TTLL11: variants seen among roughly 807,000 people sequenced by gnomAD.
TTLL11 encodes tubulin tyrosine ligase like 11.
A neutral mutation model predicts 51.7 loss-of-function variants in TTLL11; 42 were observed. The observed-to-expected ratio is 0.81, with a 90% CI of 0.64 to 1.05. The LOEUF (loss-of-function observed/expected upper bound fraction) is 1.05, where lower values mean the gene tolerates loss of function less well. Among genes scored for constraint, TTLL11 ranks in the 50% least tolerant of loss-of-function variants. The pLI is 0.00. For missense variants in TTLL11, 799 were observed against 940.4 expected, an observed-to-expected ratio of 0.85 and a Z score of 1.97; for synonymous variants, 381 against 383.5, an observed-to-expected ratio of 0.99 and a Z score of 0.08.
chr9:121,874,195 GTC>G (rs1336417857), intron 6 of TTLL11, among the ~76,000 whole-genome samples: 4 of 151,974 alleles, frequency 2.6e-5, no homozygotes, highest in African/African-American at 9.7e-5. Flanking sequence ...TAGAGATAAG[GTC>G]TCGCTACATT....
At chr9:121,871,481 C>T (rs1838355020) in intron 6 of TTLL11, among the ~76,000 whole-genome samples, 3 of 152,070 alleles carry the variant, frequency 2.0e-5, no homozygotes, top group African/African-American at 4.8e-5. Flanking sequence ...GAATAAATGC[C>T]GACTCCTCCT....
intron 6 of TTLL11, among the ~76,000 whole-genome samples, chr9:121,966,644 T>G (rs1016744425): frequency 1.3e-5 from 2 of 152,250 alleles, no homozygotes; most frequent in African/African-American, 4.8e-5. Context: ...TTCTTATTTT[T>G]TTCCCATACC....
intron 6 of TTLL11, among the ~76,000 whole-genome samples, chr9:121,935,160 T>C (rs554296513): frequency 6.6e-6 from 1 of 151,960 alleles, no homozygotes; most frequent in Admixed American, 6.6e-5. Flanking sequence ...GGTTTCACCA[T>C]GTTGCCCAGG....
chr9:121,927,609 C>T (rs548888079), intron 6 of TTLL11, among the ~76,000 whole-genome samples: 1 of 146,136 alleles, frequency 6.8e-6, no homozygotes, highest in African/African-American at 2.5e-5. Context: ...GTAAATATCA[C>T]AAGAGCACAG....
Position 121,818,035 on chromosome 9 carries a change from C to T in TTLL11, c.*4552G>A, listed in dbSNP as rs886803159. 4 of 152,360 alleles carry T rather than the reference C, an allele frequency of 2.6e-5. No individual in the cohort carries two copies. Among genetic ancestry groups the T allele is most frequent in the Non-Finnish European group, 4.4e-5 (3 of 68,140 alleles). 9.4% of individuals were successfully genotyped at this position (152,360 alleles called of 1,614,324 possible). A position where few individuals can be genotyped will look rare whatever the true frequency, so the allele number is the denominator to read the frequency against. ...CTATCCTCCCACTCCATTCCCCTGA[C>T]TACCTACATGCACATCCGGAGGACC... On this transcript the variant is annotated 3_prime_UTR_variant, in exon 9 of 9. Coordinates refer to ENST00000321582, the MANE Select transcript of TTLL11 (RefSeq NM_001139442.2).
chr9:121,841,981 CGA>C (rs749589176), intron 8 of TTLL11, among the ~76,000 whole-genome samples: 1 of 152,072 alleles, frequency 6.6e-6, no homozygotes, highest in Non-Finnish European at 1.5e-5. Flanking sequence ...ATTCTTCCAG[CGA>C]GATGCAGAGC....
intron 5 of TTLL11, among the ~76,000 whole-genome samples, 179 bp downstream of exon 5, chr9:121,974,705 T>C (rs1192393672): frequency 6.6e-6 from 1 of 152,234 alleles, no homozygotes; most frequent in Non-Finnish European, 1.5e-5. Context: ...ACAGGTCAGA[T>C]AGGCTTTGTA....
At chr9:122,065,017 C>G (rs193301554) in intron 1 of TTLL11, among the ~76,000 whole-genome samples, 1 of 152,208 alleles carries the variant, frequency 6.6e-6, no homozygotes, top group Non-Finnish European at 1.5e-5. Context: ...CAAAGGGGAC[C>G]AAATTCCCAG....
chr9:122,006,108 G>A (rs1461093822), intron 3 of TTLL11, among the ~76,000 whole-genome samples: 1 of 152,232 alleles, frequency 6.6e-6, no homozygotes, highest in African/African-American at 2.4e-5. Flanking sequence ...AGGAGGCCAA[G>A]GCGGGTGGAT....
At chr9:121,918,878 C>T (rs915522905) in intron 6 of TTLL11, among the ~76,000 whole-genome samples, 2 of 152,192 alleles carry the variant, frequency 1.3e-5, no homozygotes, top group Non-Finnish European at 2.9e-5. Flanking sequence ...ACAGTACATA[C>T]AGTATGGCAG....
intron 8 of TTLL11, among the ~76,000 whole-genome samples, chr9:121,825,400 C>G (rs1836721612): frequency 6.6e-6 from 1 of 152,238 alleles, no homozygotes; most frequent in Non-Finnish European, 1.5e-5. Flanking sequence ...TCCCTGGTCC[C>G]TGACAAGATA....
At chr9:121,924,786 GC>G (rs1179386448) in intron 6 of TTLL11, among the ~76,000 whole-genome samples, 1 of 147,714 alleles carries the variant, frequency 6.8e-6, no homozygotes, top group Non-Finnish European at 1.5e-5. Context: ...TTTAACCTGA[GC>G]AAAAATCGTC....
intron 6 of TTLL11, 59 bp from the exon 7 acceptor site, chr9:121,870,807 G>C: frequency 6.8e-7 from 1 of 1,467,036 alleles, no homozygotes; most frequent in South Asian, 1.4e-5. Flanking sequence ...TCCTTTACTT[G>C]AGATTTACAG....
chr9:122,060,607 C>A (rs560919670), intron 1 of TTLL11, among the ~76,000 whole-genome samples: 24 of 152,310 alleles, frequency 1.6e-4, no homozygotes, highest in African/African-American at 5.8e-4. Flanking sequence ...GGGAAGAACA[C>A]AGGAATCAGA....
chr9:121,930,308 G>GA (rs1249421489), intron 6 of TTLL11, among the ~76,000 whole-genome samples: 1 of 152,188 alleles, frequency 6.6e-6, no homozygotes, highest in Non-Finnish European at 1.5e-5. Context: ...CAAGGAGAGA[G>GA]AAAAAGGCCT....
chr9:121,868,952 A>G (rs567546442), intron 7 of TTLL11, among the ~76,000 whole-genome samples: 62 of 152,376 alleles, frequency 4.1e-4, no homozygotes, highest in Non-Finnish European at 6.3e-4. Context: ...TCCCAACCTC[A>G]TAACAAATCC....
At position 121,870,539 on chromosome 9, in the gene TTLL11, C is replaced by A; in HGVS notation, c.1691G>T (p.Gly564Val). 1 of 1,551,574 alleles carries A rather than the reference C, an allele frequency of 6.4e-7. No homozygotes were observed. Among genetic ancestry groups the A allele is most frequent in the Non-Finnish European group, 8.7e-7 (1 of 1,146,980 alleles). The stretch of plus-strand genomic sequence containing the variant: ...GCCTGTTGGCCCCAACTTCATTGTC[C>A]CCTTGATGCCCAGGAACCGGATAAA... The part of the protein sequence containing the change: ...NLFIRFLGIK[G>V]TMKLGPTGFR... The change falls in exon 7 of 9, where the codon GGG (glycine) becomes GTG (valine). Residue 564 changes from glycine (G) to valine (V), a missense_variant. This residue lies in a region of TTLL11 where 468 missense variants were observed against 612.8 expected (regional missense o/e 0.76). Coordinates refer to ENST00000321582, the MANE Select transcript of TTLL11 (RefSeq NM_001139442.2).
At chr9:121,991,727 A>C (rs1429039039) in intron 3 of TTLL11, among the ~76,000 whole-genome samples, 1 of 152,218 alleles carries the variant, frequency 6.6e-6, no homozygotes, top group Non-Finnish European at 1.5e-5. Context: ...GGATTCCTGA[A>C]TACTTCTGCT....
At chr9:121,878,783 C>T (rs1208254256) in intron 6 of TTLL11, among the ~76,000 whole-genome samples, 3 of 152,208 alleles carry the variant, frequency 2.0e-5, no homozygotes, top group Admixed American at 6.5e-5. Flanking sequence ...GAGCATGGAG[C>T]GCGTGTCTTC....
Sources: gnomAD v4.1 joint callset for allele counts (sites outside exome capture counted in the v4.1 genomes callset) on GRCh38, gnomAD v4.1.1 for gene constraint, gnomAD v4.1.1 regional missense constraint, MANE v1.5 for transcripts, NCBI Gene and HGNC (gene_info 2026-07-23, HGNC 2026-07-21) for gene names.